The following URB1 variants were observed in gnomAD, a reference collection of about 807,000 sequenced individuals.
URB1 encodes nucleolar pre-ribosomal-associated protein 1.
In URB1, 197 loss-of-function variants were observed where a neutral mutation model predicts 242.3. The ratio of observed to expected loss-of-function variants is 0.81; its 90% CI spans 0.72 to 0.91. The LOEUF is 0.91. Ranked by LOEUF, URB1 falls within the 40% of genes least tolerant of loss-of-function variation. The pLI, the probability that URB1 is intolerant of heterozygous loss-of-function variation, is 0.00. For synonymous variants in URB1, 1,153 were observed against 1,201.8 expected, an observed-to-expected ratio of 0.96 and a Z score of 0.84; for missense variants, 2,721 against 2,860.5, an observed-to-expected ratio of 0.95 and a Z score of 1.11.
rs1343253779 is a variant in URB1, at chr21:32,363,250, T to C, written c.1415A>G (p.His472Arg). 1.3e-6 allele frequency: 2 copies of C among 1,552,014 alleles called. No homozygotes were observed. The highest frequency in any genetic ancestry group is 3.9e-5 in the Admixed American group (2 of 51,018). Reference sequence around the variant, plus strand: ...CTGCCACACCTCTTTATTCAGGCAGTGGTCAACAGTTTTTAATGCCCTCTT... The same window carrying C: ...CTGCCACACCTCTTTATTCAGGCAGCGGTCAACAGTTTTTAATGCCCTCTT... ...ILKRALKTVD[H>R]CLNKEVWQES... Residue 472 changes from histidine to arginine, a missense_variant, in exon 11 of 39, where the codon CAC becomes CGC. His to Arg is a conservative substitution (Grantham distance 29). Transcript: ENST00000382751.
At chr21:32,367,276 C>A (rs2033356705) in intron 9 of URB1, among the ~76,000 whole-genome samples, 1 of 152,178 alleles carries the variant, frequency 6.6e-6, no homozygotes, top group Non-Finnish European at 1.5e-5. Flanking sequence ...GGACTCAACA[C>A]TGGGCCTGCA....
intron 24 of URB1, among the ~76,000 whole-genome samples, chr21:32,342,769 A>G (rs2033045723): frequency 6.6e-6 from 1 of 152,188 alleles, no homozygotes; most frequent in Non-Finnish European, 1.5e-5. Context: ...ACATTTTTAT[A>G]TACATGTTCT....
intron 5 of URB1, among the ~76,000 whole-genome samples, 174 bp from the exon 6 acceptor site, chr21:32,375,657 T>A (rs1357707174): frequency 2.6e-5 from 4 of 151,330 alleles, no homozygotes; most frequent in African/African-American, 9.7e-5. Context: ...ACATAAGAAA[T>A]CAAGAAGCCA....
At chr21:32,355,346 A>G in intron 16 of URB1, 103 bp downstream of exon 16, 1 of 1,023,454 alleles carries the variant, frequency 9.8e-7, no homozygotes, top group Non-Finnish European at 1.5e-6. Context: ...AGCCAGGACG[A>G]GAAGCCTTTT....
At chr21:32,378,202 G>A (rs2833793) in intron 5 of URB1, among the ~76,000 whole-genome samples, 86,700 of 151,958 alleles carry the variant, frequency 0.57, 28,857 homozygotes, top group Non-Finnish European at 0.75. Context: ...CCTCTGTGAC[G>A]GCATTGTTCA....
At position 32,347,769 on chromosome 21, in the gene URB1, G is replaced by C; in HGVS notation, c.3055C>G (p.Leu1019Val). 1 of 1,548,342 alleles carries C rather than the reference G, an allele frequency of 6.5e-7. No individual in the cohort carries two copies. The highest frequency in any genetic ancestry group is 1.2e-5 in the South Asian group (1 of 84,032). Residue 1019 changes from leucine to valine, a missense_variant, in exon 22 of 39, where the codon CTG (leucine) becomes GTG (valine). Physicochemically the swap from Leu to Val is conservative, Grantham distance 32. Coordinates refer to ENST00000382751, the MANE Select transcript of URB1 (RefSeq NM_014825.3). ...TCCAGGGCCAGGAACCAGCCCTCCA[G>C]GGTGGGGTGCCTGAGGATGGCCACA... ...VLVAILRHPT[L>V]EGWFLALEQQ...
chr21:32,347,580 T>A lies in URB1; in HGVS notation c.3244A>T (p.Ser1082Cys). ...CTGTTCTGAAGTTCCTTCAGCACAC[T>A]CTGGGTGATGGCCTCTGAGTACCTG... ...LARYSEAITQSVLKELQNRRA... is the reference protein window; with the variant it reads ...LARYSEAITQCVLKELQNRRA... Residue 1082 changes from serine to cysteine, a missense_variant, in exon 22 of 39, where the codon AGT becomes TGT. By Grantham distance (112) the Ser-to-Cys change is moderately radical. Coordinates refer to ENST00000382751, the MANE Select transcript of URB1 (RefSeq NM_014825.3). The A allele has an allele frequency of 1.3e-6, 2 of 1,551,552 alleles. No individual in the cohort carries two copies. Among genetic ancestry groups the A allele is most frequent in the Non-Finnish European group, 1.7e-6 (2 of 1,146,926 alleles).
intron 10 of URB1, 142 bp from the exon 11 acceptor site, chr21:32,363,471 G>A: frequency 9.7e-7 from 1 of 1,025,814 alleles, no homozygotes; most frequent in Middle Eastern, 2.4e-4. Flanking sequence ...GCTCTGAGAA[G>A]AGGCGACCTG....
intron 5 of URB1, chr21:32,377,278 T>C (rs1270133870): frequency 3.9e-6 from 2 of 516,022 alleles, no homozygotes; most frequent in East Asian, 5.5e-5. Context: ...TGGGGTACTA[T>C]GAGAGGTCCA....
chr21:32,357,694 T>C, intron 14 of URB1, 38 bp from the exon 15 acceptor site: 3 of 1,328,610 alleles, frequency 2.3e-6, no homozygotes, highest in Non-Finnish European at 2.9e-6. Context: ...TTAGTATATA[T>C]AATTACATAT....
At chr21:32,343,453 G>C (rs2033052796) in intron 24 of URB1, among the ~76,000 whole-genome samples, 1 of 152,158 alleles carries the variant, frequency 6.6e-6, no homozygotes, top group African/African-American at 2.4e-5. Flanking sequence ...ACGGTTCCAA[G>C]TATACAAAGG....
At chr21:32,361,353 C>T (rs1048933622) in intron 12 of URB1, among the ~76,000 whole-genome samples, 3 of 138,994 alleles carry the variant, frequency 2.2e-5, no homozygotes, top group Non-Finnish European at 3.2e-5. Flanking sequence ...TGTGGTAAAA[C>T]GTTAAAACTG....
At chr21:32,365,904 T>C (rs954389984) in intron 10 of URB1, among the ~76,000 whole-genome samples, 1 of 152,184 alleles carries the variant, frequency 6.6e-6, no homozygotes, top group Non-Finnish European at 1.5e-5. Context: ...CCCTTCTGAA[T>C]ACCTGTCCTC....
chr21:32,360,118 A>G (rs1057293112), intron 13 of URB1, among the ~76,000 whole-genome samples: 1 of 152,122 alleles, frequency 6.6e-6, no homozygotes, highest in Non-Finnish European at 1.5e-5. Context: ...TTCCAACAAA[A>G]AGCCCAAATC....
chr21:32,335,984 C>T (rs1042673015), intron 28 of URB1, among the ~76,000 whole-genome samples: 1 of 152,148 alleles, frequency 6.6e-6, no homozygotes. Context: ...AGAGGTCGTT[C>T]TGCAGAAATG....
rs773063394 is a variant in URB1 at position 32,316,694 on chromosome 21, C to T, written c.6406G>A (p.Val2136Met). ...KSHILPHPVV[V>M]ADLLKDSAVR... ...GCACTGTCCTTAAGGAGGTCAGCCACGACCACAGGGTGTGGCAAAATATGG... is the reference window on the plus strand; with the variant it reads ...GCACTGTCCTTAAGGAGGTCAGCCATGACCACAGGGTGTGGCAAAATATGG... The change falls in exon 38 of 39, where the codon GTG (valine) becomes ATG (methionine). Residue 2136 changes from valine (V) to methionine (M), a missense_variant. Val to Met is a conservative substitution (Grantham distance 21). Coordinates refer to ENST00000382751, the MANE Select transcript of URB1 (RefSeq NM_014825.3). The T allele has an allele frequency of 2.8e-5, 43 of 1,551,250 alleles. No individual in the cohort carries two copies. The Middle Eastern group carries it at 5.0e-4, about 18-fold the overall frequency.
Position 32,314,340 on chromosome 21 carries a change from A to G in URB1, c.*578T>C. 1 of 474,540 alleles carries G rather than the reference A, an allele frequency of 2.1e-6. No homozygotes were observed. The highest frequency in any genetic ancestry group is 3.9e-6 in the Non-Finnish European group (1 of 254,728). The allele number at this position is 474,540 out of a possible 1,614,324, so 29.4% of individuals were successfully genotyped here. On this transcript the variant is annotated 3_prime_UTR_variant, in exon 39 of 39. Transcript: ENST00000382751. Reference sequence around the variant, plus strand: ...GCTGGAATTACAGGTGTGCGCTACCATGCCTGGCTAATTTTTGTATTTTTA... The same window carrying G: ...GCTGGAATTACAGGTGTGCGCTACCGTGCCTGGCTAATTTTTGTATTTTTA...
intron 8 of URB1, among the ~76,000 whole-genome samples, chr21:32,369,243 G>C (rs368926675): frequency 2.6e-5 from 4 of 152,064 alleles, no homozygotes; most frequent in East Asian, 3.9e-4. Flanking sequence ...CCTGCCTATA[G>C]TCCTAGCTAC....
At chr21:32,389,068 A>T (rs2146059389) in intron 1 of URB1, among the ~76,000 whole-genome samples, 1 of 152,376 alleles carries the variant, frequency 6.6e-6, no homozygotes, top group Middle Eastern at 3.4e-3. Context: ...TGAAGCAAAC[A>T]TCAAGAGTAT....
Sources: gnomAD v4.1 joint callset for allele counts (sites outside exome capture counted in the v4.1 genomes callset) on GRCh38, gnomAD v4.1.1 for gene constraint, MANE v1.5 for transcripts, NCBI Gene and HGNC (gene_info 2026-07-23, HGNC 2026-07-21) for gene names.